Variants in RTL4 observed in about 807,000 individuals in gnomAD.
RTL4 encodes retrotransposon Gag like 4.
RTL4 carries 4 observed loss-of-function variants against 5.3 expected under a neutral mutation model. The observed-to-expected ratio is 0.75, with a 90% CI of 0.37 to 1.72. The LOEUF (loss-of-function observed/expected upper bound fraction) is 1.72, where lower values mean the gene tolerates loss of function less well. Ranked by LOEUF, RTL4 falls within the 40% of genes most tolerant of loss-of-function variation. The pLI, the probability that RTL4 is intolerant of heterozygous loss-of-function variation, is 0.04. For missense variants in RTL4, 260 were observed against 227.1 expected (o/e 1.14, Z -0.93); for synonymous variants, 98 against 87.3 (o/e 1.12, Z -0.68).
chrX:112,177,527 ATTTT>A, the RTL4 span, among the ~76,000 whole-genome samples: 1 of 96,396 alleles, frequency 1.0e-5, no homozygotes, highest in Non-Finnish European at 2.1e-5. Context: ...ATTATTTGGG[ATTTT>A]TTTTTTTTTT....
chrX:112,185,257 A>G, the RTL4 span, among the ~76,000 whole-genome samples: 1 of 108,877 alleles, frequency 9.2e-6, no homozygotes, highest in Non-Finnish European at 1.9e-5. Flanking sequence ...CCTGTTATGG[A>G]GTAGACAACA....
At chrX:112,283,516 C>T in the RTL4 span, among the ~76,000 whole-genome samples, 1 of 110,941 alleles carries the variant, frequency 9.0e-6, no homozygotes, top group Non-Finnish European at 1.9e-5. Context: ...CAAACTACCC[C>T]GCAGGGTTAT....
exon 1 of RTL4, chrX:112,456,368 G>C: frequency 3.2e-6 from 1 of 308,826 alleles, no homozygotes; most frequent in East Asian, 4.7e-5. Flanking sequence ...GCTTGGAACT[G>C]TTGGTCCCTT....
At chrX:112,273,399 G>A in the RTL4 span, among the ~76,000 whole-genome samples, 2 of 110,005 alleles carry the variant, frequency 1.8e-5, no homozygotes, top group Non-Finnish European at 3.8e-5. Flanking sequence ...GACTACAGGC[G>A]CCCACCACCA....
chrX:112,352,178 G>A, the RTL4 span, among the ~76,000 whole-genome samples: 1 of 111,117 alleles, frequency 9.0e-6, no homozygotes, highest in Non-Finnish European at 1.9e-5. Flanking sequence ...TTTTCTTTAA[G>A]AATGTTGAAT....
At chrX:112,204,952 TA>T in the RTL4 span, among the ~76,000 whole-genome samples, 162 of 110,048 alleles carry the variant, frequency 1.5e-3, no homozygotes, top group African/African-American at 4.2e-3. Flanking sequence ...ACGCACAACT[TA>T]AAAAAAAATA....
the RTL4 span, among the ~76,000 whole-genome samples, chrX:112,396,997 A>G: frequency 2.7e-5 from 3 of 111,883 alleles, no homozygotes; most frequent in Non-Finnish European, 5.6e-5. Flanking sequence ...GTTTACATTG[A>G]CTTACAATCA....
At chrX:112,111,725 C>T in the RTL4 span, among the ~76,000 whole-genome samples, 440 of 112,470 alleles carry the variant, frequency 3.9e-3, 1 homozygote, top group African/African-American at 0.013. Context: ...ACATCACTAA[C>T]GATGGCATAA....
the RTL4 span, among the ~76,000 whole-genome samples, chrX:112,154,190 T>C: frequency 9.0e-6 from 1 of 111,692 alleles, no homozygotes; most frequent in Non-Finnish European, 1.9e-5. Flanking sequence ...GGTTCTTTTA[T>C]ACTCTTTTAA....
the RTL4 span, among the ~76,000 whole-genome samples, chrX:112,313,715 A>G: frequency 9.2e-6 from 1 of 109,022 alleles, no homozygotes; most frequent in Non-Finnish European, 1.9e-5. Context: ...GATTATCTGA[A>G]GGCCAAATTC....
At chrX:112,424,614 G>C in the RTL4 span, among the ~76,000 whole-genome samples, 1 of 111,048 alleles carries the variant, frequency 9.0e-6, no homozygotes, top group Non-Finnish European at 1.9e-5. Flanking sequence ...GTGAGAAGCA[G>C]GTTAAAAGCA....
chrX:112,263,898 T>C, the RTL4 span, among the ~76,000 whole-genome samples: 1 of 111,832 alleles, frequency 8.9e-6, no homozygotes, highest in Non-Finnish European at 1.9e-5. Flanking sequence ...GCAATTTTTG[T>C]CAATTAAATA....
At chrX:112,137,429 A>C in the RTL4 span, among the ~76,000 whole-genome samples, 1 of 112,060 alleles carries the variant, frequency 8.9e-6, no homozygotes, top group African/African-American at 3.2e-5. Context: ...GCCTCAGGAA[A>C]CTTGCAATTA....
At chrX:112,216,305 G>A in the RTL4 span, among the ~76,000 whole-genome samples, 17 of 111,703 alleles carry the variant, frequency 1.5e-4, no homozygotes, top group African/African-American at 4.2e-4. Context: ...TTCCACCAAC[G>A]TAAACACTAA....
chrX:112,106,254 G>A, the RTL4 span, among the ~76,000 whole-genome samples: 1 of 111,881 alleles, frequency 8.9e-6, no homozygotes, highest in Non-Finnish European at 1.9e-5. Flanking sequence ...TTTTTAATGT[G>A]CTATTGAATT....
chrX:112,178,294 C>T, the RTL4 span, among the ~76,000 whole-genome samples: 2 of 111,653 alleles, frequency 1.8e-5, no homozygotes, highest in African/African-American at 6.5e-5. Flanking sequence ...GATTCTGGGC[C>T]TAGGCTTGGC....
At chrX:112,361,840 G>A in the RTL4 span, among the ~76,000 whole-genome samples, 2 of 110,989 alleles carry the variant, frequency 1.8e-5, no homozygotes, top group African/African-American at 6.5e-5. Flanking sequence ...TCCCCAAATA[G>A]GATACTTTAC....
At chrX:112,358,845 A>T in the RTL4 span, among the ~76,000 whole-genome samples, 10 of 111,965 alleles carry the variant, frequency 8.9e-5, no homozygotes, top group Non-Finnish European at 1.7e-4. Context: ...CCTTAAATTA[A>T]TCACTTTGGT....
the RTL4 span, among the ~76,000 whole-genome samples, chrX:112,159,630 A>G: frequency 9.0e-6 from 1 of 111,529 alleles, no homozygotes; most frequent in Admixed American, 9.5e-5. Flanking sequence ...CATTTTATTC[A>G]CCTTGTTTTA....
Sources: gnomAD v4.1 joint callset for allele counts (sites outside exome capture counted in the v4.1 genomes callset) on GRCh38, gnomAD v4.1.1 for gene constraint, MANE v1.5 for transcripts, NCBI Gene and HGNC (gene_info 2026-07-23, HGNC 2026-07-21) for gene names.